The following PRRC2B variants were observed in gnomAD, a reference collection of about 807,000 sequenced individuals.
PRRC2B encodes protein PRRC2B.
A neutral mutation model predicts 242.3 loss-of-function variants in PRRC2B; 68 were observed. The observed-to-expected ratio is 0.28, with a 90% confidence interval of 0.23 to 0.34. The LOEUF is 0.34. PRRC2B is among the 10% of genes least tolerant of loss of function. The pLI, the probability that PRRC2B is intolerant of heterozygous loss-of-function variation, is 1.00. For missense variants in PRRC2B, 2,835 were observed against 2,954.8 expected (o/e 0.96, Z 0.94); for synonymous variants, 1,228 against 1,173.6 (o/e 1.05, Z -0.95).
chr9:131,439,029 A>T lies in PRRC2B; in HGVS notation c.437A>T (p.Gln146Leu). ...CCAGGTGGACCAAAGTCATGGGCACAGCTGAATGGAAAGCCAGTAGGACAC... is the reference window on the plus strand; with the variant it reads ...CCAGGTGGACCAAAGTCATGGGCACTGCTGAATGGAAAGCCAGTAGGACAC... ...SVPGGPKSWA[Q>L]LNGKPVGHEG... Residue 146 changes from glutamine to leucine, a missense_variant, in exon 5 of 32, where the codon CAG becomes CTG. By Grantham distance (113) the Gln-to-Leu change is moderately radical (BLOSUM62 -2). Transcript: ENST00000683519. 1 of 1,613,830 alleles carries T rather than the reference A, an allele frequency of 6.2e-7. No homozygotes were observed. Among genetic ancestry groups the T allele is most frequent in the Non-Finnish European group, 8.5e-7 (1 of 1,179,798 alleles).
At chr9:131,393,240 A>G (rs139622572), upstream of PRRC2B, among the ~76,000 whole-genome samples, 881 of 152,338 alleles carry the variant, frequency 5.8e-3, 5 homozygotes, top group African/African-American at 0.02. Flanking sequence ...CATGGCCCGC[A>G]GCTGGTGCTT....
At chr9:131,382,350 G>A (rs911590608) in intron 1 of PRRC2B, among the ~76,000 whole-genome samples, 1 of 152,102 alleles carries the variant, frequency 6.6e-6, no homozygotes, top group Admixed American at 6.6e-5. Context: ...ACCCTCATTT[G>A]TTCTTTTATT....
chr9:131,405,077 T>G (rs1363737213), intron 1 of PRRC2B, among the ~76,000 whole-genome samples: 3 of 152,182 alleles, frequency 2.0e-5, no homozygotes, highest in Admixed American at 2.0e-4. Flanking sequence ...TTGGATTGTT[T>G]TGGGTGTGCA....
intron 5 of PRRC2B, among the ~76,000 whole-genome samples, chr9:131,441,518 C>A (rs1838572491): frequency 6.6e-6 from 1 of 152,156 alleles, no homozygotes; most frequent in African/African-American, 2.4e-5. Context: ...TAGCAAGACC[C>A]TTTCTCTACA....
In PRRC2B at chr9:131,482,650, A is replaced by G. The variant is rs1588278571; in HGVS notation, c.5176-60A>G. ...TCTTCCTCAATTCCTGGGACAGTAG[A>G]AGCTAGAGAGTGTGGTCATTCCAGT... On this transcript the variant is annotated intron_variant, in intron 21 of 31. Coordinates refer to ENST00000683519, the MANE Select transcript of PRRC2B (RefSeq NM_013318.4). This position sits in a 1 kb window ranked among gnomAD's most constrained non-coding sequence, Gnocchi z 5.2. 6.6e-7 allele frequency: 1 copy of G among 1,521,410 alleles called. No individual in the cohort carries two copies. The highest frequency in any genetic ancestry group is 8.8e-7 in the Non-Finnish European group (1 of 1,131,914). 94.2% of individuals were successfully genotyped at this position (1,521,410 alleles called of 1,614,324 possible).
chr9:131,380,855 G>C (rs1291956163), intron 1 of PRRC2B, among the ~76,000 whole-genome samples: 5 of 130,314 alleles, frequency 3.8e-5, no homozygotes, highest in African/African-American at 1.4e-4. Context: ...TCCAGCCCGG[G>C]TGACAGTGTG....
Position 131,483,260 on chromosome 9 carries a change from T to G in PRRC2B, c.5374-99T>G, listed in dbSNP as rs2131465092. ...TCCAGTGAATGCTGCTCAGTGGAGT[T>G]TTTGAGTCGGGGAAACTGCATCACG... On this transcript the variant is annotated intron_variant, in intron 22 of 31. Coordinates refer to ENST00000683519, the MANE Select transcript of PRRC2B (RefSeq NM_013318.4). 4 of 1,173,590 alleles carry G rather than the reference T, an allele frequency of 3.4e-6. No homozygotes were observed. The South Asian group carries it at 5.2e-5, about 15-fold the overall frequency. 72.7% of individuals were successfully genotyped at this position (1,173,590 alleles called of 1,614,324 possible).
At chr9:131,406,447 T>TA (rs1462132755) in intron 1 of PRRC2B, among the ~76,000 whole-genome samples, 1 of 152,170 alleles carries the variant, frequency 6.6e-6, no homozygotes, top group Non-Finnish European at 1.5e-5. Context: ...GTAGGCATGT[T>TA]AAGGCAGTTT....
chr9:131,441,811 G>T (rs773473803), intron 5 of PRRC2B, among the ~76,000 whole-genome samples: 1 of 152,168 alleles, frequency 6.6e-6, no homozygotes, highest in African/African-American at 2.4e-5. Context: ...GCATGTTTGG[G>T]CAGAGGTCAG....
chr9:131,460,507 T>A (rs1330599328), intron 11 of PRRC2B, among the ~76,000 whole-genome samples: 1 of 152,220 alleles, frequency 6.6e-6, no homozygotes, highest in Non-Finnish European at 1.5e-5. Flanking sequence ...CCTGTCCCCC[T>A]CTGGCTACGT....
chr9:131,408,102 G>A (rs1321982149), intron 1 of PRRC2B, among the ~76,000 whole-genome samples: 3 of 152,206 alleles, frequency 2.0e-5, no homozygotes, highest in Admixed American at 2.0e-4. Context: ...GAGGGGGTGG[G>A]AAGAAGAGGA....
intron 4 of PRRC2B, among the ~76,000 whole-genome samples, chr9:131,438,018 G>A (rs1434864278): frequency 6.6e-6 from 1 of 152,124 alleles, no homozygotes; most frequent in East Asian, 1.9e-4. Flanking sequence ...CTGGCACAGG[G>A]GTCACCTTAT....
chr9:131,491,672 G>C (rs1192635234), intron 29 of PRRC2B, 92 bp downstream of exon 29: 4 of 1,252,334 alleles, frequency 3.2e-6, no homozygotes, highest in Non-Finnish European at 4.3e-6. Flanking sequence ...GTGGTAGAAA[G>C]AGCCAGTGGC....
Position 131,451,271 on chromosome 9 carries a change from C to T in PRRC2B, c.1120+3467C>T, listed in dbSNP as rs566372624. The stretch of plus-strand genomic sequence containing the variant: ...AAAATTAGCCGGGCGTGTTGGCACG[C>T]GCCTGTAGTCCCAGCTACTTGGGAG... On this transcript the variant is annotated intron_variant, in intron 9 of 31. Coordinates refer to ENST00000683519, the MANE Select transcript of PRRC2B (RefSeq NM_013318.4). Among the ~76,000 whole-genome samples, 733 of 152,194 alleles carry T rather than the reference C, an allele frequency of 4.8e-3. 9 individuals carry two copies. The highest frequency in any genetic ancestry group is 0.016 in the African/African-American group (666 of 41,532).
Position 131,475,673 on chromosome 9 carries a change from A to G in PRRC2B, c.3544A>G (p.Lys1182Glu), listed in dbSNP as rs985639891. 2 of 1,611,636 alleles carry G rather than the reference A, an allele frequency of 1.2e-6. No homozygotes were observed. The highest frequency in any genetic ancestry group is 1.7e-6 in the Non-Finnish European group (2 of 1,178,846). ...GDCRDSWRSNKGCSEDHSGLD... is the reference protein window; with the variant it reads ...GDCRDSWRSNEGCSEDHSGLD... ...CTGCAGAGATTCTTGGCGGTCCAACAAGGGGTGCTCTGAGGACCACAGCGG... is the reference window on the plus strand; with the variant it reads ...CTGCAGAGATTCTTGGCGGTCCAACGAGGGGTGCTCTGAGGACCACAGCGG... The change falls in exon 16 of 32, where the codon AAG becomes GAG. Residue 1182 changes from lysine to glutamate, a missense_variant. Lys to Glu is a moderately conservative substitution (Grantham distance 56). This residue lies in a region of PRRC2B where 1,536 missense variants were observed against 1,483.1 expected (regional missense o/e 1.04). Transcript: ENST00000683519.
At chr9:131,441,082 A>G (rs1160748855) in intron 5 of PRRC2B, among the ~76,000 whole-genome samples, 5 of 152,206 alleles carry the variant, frequency 3.3e-5, no homozygotes, top group Admixed American at 3.3e-4. Flanking sequence ...AACCTGGGTG[A>G]CAGAGCAAGA....
chr9:131,425,479 TTTGTTG>T (rs572600129), intron 1 of PRRC2B, among the ~76,000 whole-genome samples: 89 of 151,574 alleles, frequency 5.9e-4, no homozygotes, highest in African/African-American at 1.1e-3. Context: ...TAAGAGGACT[TTTGTTG>T]TTGTTGTTGT....
rs143595904 is a variant in PRRC2B at position 131,470,766 on chromosome 9, GTC to G, written c.1912-10_1912-9del. ...TCCCTGGCCGCACCAGCCTGACCAAGTCTCTCTCTCTCTGTGGGCAGGAGCAG... is the reference window on the plus strand; with the variant it reads ...TCCCTGGCCGCACCAGCCTGACCAAGTCTCTCTCTCTGTGGGCAGGAGCAG... On this transcript the variant is annotated intron_variant, in intron 13 of 31. Coordinates refer to ENST00000683519, the MANE Select transcript of PRRC2B (RefSeq NM_013318.4). 1.2e-3 allele frequency: 1,839 copies of G among 1,531,242 alleles called. No homozygotes were observed. The highest frequency in any genetic ancestry group is 1.6e-3 in the Admixed American group (89 of 57,306). The allele number at this position is 1,531,242 out of a possible 1,614,324, so 94.9% of individuals were successfully genotyped here.
Position 131,459,369 on chromosome 9 carries a change from C to G in PRRC2B, c.1404+13C>G. ...CCCTGACTACCAGGTACCAAGGGCC[C>G]TTGGCTGTCCTGTGTATTTGTACTT... On this transcript the variant is annotated intron_variant, in intron 11 of 31. Transcript: ENST00000683519. 6.2e-7 allele frequency: 1 copy of G among 1,604,880 alleles called. No homozygotes were observed. The highest frequency in any genetic ancestry group is 8.5e-7 in the Non-Finnish European group (1 of 1,175,290).
Sources: allele counts gnomAD v4.1 joint callset (sites outside exome capture counted in the v4.1 genomes callset), GRCh38; gene constraint gnomAD v4.1.1; regional missense constraint gnomAD v4.1.1; non-coding constraint Gnocchi (gnomAD v3.1); transcripts MANE v1.5; gene names NCBI Gene and HGNC (gene_info 2026-07-23, HGNC 2026-07-21).